Variants in TSHZ2 observed in about 807,000 individuals in gnomAD.
The protein encoded by TSHZ2 is teashirt homolog 2.
A neutral mutation model predicts 74.4 loss-of-function variants in TSHZ2; 21 were observed. That is an observed-to-expected ratio of 0.28 (90% CI 0.20 to 0.41). The LOEUF is 0.41. Among genes scored for constraint, TSHZ2 ranks in the 10% least tolerant of loss-of-function variants. The pLI is 1.00. For synonymous variants in TSHZ2, 540 were observed against 515.3 expected (o/e 1.05, Z -0.65); for missense variants, 1,244 against 1,293.5 (o/e 0.96, Z 0.59).
At chr20:53,464,486 C>T (rs956312907) in intron 2 of TSHZ2, among the ~76,000 whole-genome samples, 1 of 151,728 alleles carries the variant, frequency 6.6e-6, no homozygotes, top group Non-Finnish European at 1.5e-5. Context: ...TTCTAAGAGA[C>T]AAATTCTCTC....
At chr20:53,227,463 AACACACACACACACACAC>A (rs10574252) in intron 1 of TSHZ2, among the ~76,000 whole-genome samples, 1 of 146,566 alleles carries the variant, frequency 6.8e-6, no homozygotes, top group South Asian at 2.2e-4. Flanking sequence ...TGGGGAGGAA[AACACACACACACACACAC>A]ACACACACAC....
chr20:53,330,382 C>A (rs1979677412), intron 2 of TSHZ2, among the ~76,000 whole-genome samples: 1 of 152,090 alleles, frequency 6.6e-6, no homozygotes, highest in East Asian at 1.9e-4. Context: ...GCTTTTTAAA[C>A]ATAAAAGGGG....
chr20:53,041,830 C>G (rs75459212), intron 1 of TSHZ2, among the ~76,000 whole-genome samples: 2 of 152,116 alleles, frequency 1.3e-5, no homozygotes, highest in African/African-American at 4.8e-5. Flanking sequence ...AAAACAGGAT[C>G]GAGATGATCC....
chr20:53,422,961 ACTC>A (rs1430601066), intron 2 of TSHZ2, among the ~76,000 whole-genome samples: 2 of 151,992 alleles, frequency 1.3e-5, no homozygotes, highest in African/African-American at 4.8e-5. Context: ...TACCTACTTA[ACTC>A]CTCAATGCGT....
chr20:53,265,679 G>A lies in TSHZ2; in HGVS notation c.*8+9108G>A, dbSNP rs185799467. ...GACATTCTGTGGCTGCTCCTTGTGG[G>A]GGAGGCACAGGTCTGGCCCACCTGA... On this transcript the variant is annotated intron_variant, in intron 2 of 2. Coordinates refer to ENST00000371497, the MANE Select transcript of TSHZ2 (RefSeq NM_173485.6). Among the ~76,000 whole-genome samples, 54 of 152,304 alleles carry A rather than the reference G, an allele frequency of 3.5e-4. No individual in the cohort carries two copies. In the East Asian group the frequency reaches 9.8e-3, roughly 28 times the overall value.
At chr20:53,405,070 C>T (rs986588940) in intron 2 of TSHZ2, among the ~76,000 whole-genome samples, 2 of 152,002 alleles carry the variant, frequency 1.3e-5, no homozygotes, top group Non-Finnish European at 2.9e-5. Flanking sequence ...GCCACCAGGG[C>T]GAAAACCTGT....
intron 1 of TSHZ2, among the ~76,000 whole-genome samples, chr20:53,192,975 C>G (rs1211522979): frequency 1.3e-5 from 2 of 152,010 alleles, no homozygotes; most frequent in Non-Finnish European, 2.9e-5. Flanking sequence ...TGATCTTTGC[C>G]CATGGGCAGA....
intron 2 of TSHZ2, among the ~76,000 whole-genome samples, chr20:53,462,784 G>A (rs914017383): frequency 1.3e-5 from 2 of 152,142 alleles, no homozygotes; most frequent in African/African-American, 4.8e-5. Flanking sequence ...CACATGCTTG[G>A]AAGCTTCCAC....
chr20:53,313,802 C>T (rs922123044), intron 2 of TSHZ2, among the ~76,000 whole-genome samples: 1 of 152,312 alleles, frequency 6.6e-6, no homozygotes, highest in African/African-American at 2.4e-5. Flanking sequence ...GAATCTGCTT[C>T]CATTTGCATA....
intron 2 of TSHZ2, among the ~76,000 whole-genome samples, chr20:53,484,986 C>T (rs1986256507): frequency 6.6e-6 from 1 of 152,110 alleles, no homozygotes; most frequent in African/African-American, 2.4e-5. Flanking sequence ...ATGAACATTA[C>T]CACCAAATAA....
intron 2 of TSHZ2, among the ~76,000 whole-genome samples, chr20:53,358,364 A>G (rs1281575888): frequency 1.5e-5 from 2 of 130,888 alleles, no homozygotes; most frequent in African/African-American, 5.8e-5. Context: ...TTTCCCAAAC[A>G]GAGTCTCATT....
intron 2 of TSHZ2, among the ~76,000 whole-genome samples, chr20:53,408,138 G>T (rs1982914655): frequency 6.6e-6 from 1 of 152,154 alleles, no homozygotes; most frequent in Non-Finnish European, 1.5e-5. Context: ...GCTGTGTCTG[G>T]ACTCCCCCTG....
Position 52,972,911 on chromosome 20 carries a change from T to C in TSHZ2, c.-383T>C. On this transcript the variant is annotated 5_prime_UTR_variant, in exon 1 of 3. It removes an upstream start codon present in the reference 5' UTR. Coordinates refer to ENST00000371497, the MANE Select transcript of TSHZ2 (RefSeq NM_173485.6). ...CCTTCCATCCGAACCCGGGCTTGGA[T>C]GTTTAATAAAGAAATCAAGTGTCTC... 1 of 260,024 alleles carries C rather than the reference T, an allele frequency of 3.8e-6. No individual in the cohort carries two copies. Among genetic ancestry groups the C allele is most frequent in the East Asian group, 6.7e-5 (1 of 14,942 alleles). The allele number at this position is 260,024 out of a possible 1,614,324, so 16.1% of individuals were successfully genotyped here. A position where few individuals can be genotyped will look rare whatever the true frequency, so the allele number is the denominator to read the frequency against.
chr20:53,165,860 A>G (rs1988051065), intron 1 of TSHZ2, among the ~76,000 whole-genome samples: 1 of 152,190 alleles, frequency 6.6e-6, no homozygotes. Flanking sequence ...CTCACTCACA[A>G]CGGTGACTGC....
intron 2 of TSHZ2, among the ~76,000 whole-genome samples, chr20:53,302,611 C>A (rs1038874995): frequency 6.6e-6 from 1 of 152,194 alleles, no homozygotes; most frequent in African/African-American, 2.4e-5. Flanking sequence ...CCTCTTCACA[C>A]TTCCTCAGGA....
intron 1 of TSHZ2, among the ~76,000 whole-genome samples, chr20:53,219,479 T>C (rs570781827): frequency 1.9e-4 from 29 of 152,366 alleles, no homozygotes; most frequent in African/African-American, 6.3e-4. Context: ...ATTGGTATGA[T>C]TGAGATAATT....
At chr20:53,158,573 G>T (rs892902590) in intron 1 of TSHZ2, among the ~76,000 whole-genome samples, 19 of 152,212 alleles carry the variant, frequency 1.2e-4, no homozygotes, top group African/African-American at 4.3e-4. Context: ...AGAGTAAGTG[G>T]CGTGTCCTTT....
At chr20:53,381,493 A>T (rs1289351891) in intron 2 of TSHZ2, among the ~76,000 whole-genome samples, 1 of 152,226 alleles carries the variant, frequency 6.6e-6, no homozygotes, top group Non-Finnish European at 1.5e-5. Context: ...AAGCAATTAA[A>T]TGCATATGTC....
chr20:53,262,662 G>T (rs554634443), intron 2 of TSHZ2, among the ~76,000 whole-genome samples: 18 of 152,170 alleles, frequency 1.2e-4, no homozygotes, highest in Non-Finnish European at 2.5e-4. Context: ...GCCACGCCCT[G>T]CAAGAATCGC....
Sources: allele counts gnomAD v4.1 joint callset (sites outside exome capture counted in the v4.1 genomes callset), GRCh38; gene constraint gnomAD v4.1.1; transcripts MANE v1.5; gene names NCBI Gene and HGNC (gene_info 2026-07-23, HGNC 2026-07-21).